The following PCDH15 variants were observed in gnomAD, a reference collection of about 807,000 sequenced individuals.
PCDH15 encodes protocadherin related 15, also known as protocadherin-15.
A neutral mutation model predicts 178.5 loss-of-function variants in PCDH15; 129 were observed. The observed-to-expected ratio is 0.72, with a 90% CI of 0.63 to 0.84. The LOEUF is 0.84. Among genes scored for constraint, PCDH15 ranks in the 40% least tolerant of loss-of-function variants. The pLI is 0.00. For synonymous variants in PCDH15, 800 were observed against 732.0 expected (o/e 1.09, Z -1.50); for missense variants, 2,230 against 2,099.9 (o/e 1.06, Z -1.21).
chr10:55,268,800 C>T (rs144509336), intron 1 of PCDH15, among the ~76,000 whole-genome samples: 78 of 152,172 alleles, frequency 5.1e-4, no homozygotes, highest in African/African-American at 1.6e-3. Context: ...GAATTCATTA[C>T]TGAAGTGAAA....
chr10:55,385,725 A>C (rs58460639), intron 2 of PCDH15, among the ~76,000 whole-genome samples: 1,844 of 142,136 alleles, frequency 0.013, 16 homozygotes, highest in African/African-American at 0.032. Flanking sequence ...ATATGCATAT[A>C]TATATACACG....
intron 1 of PCDH15, among the ~76,000 whole-genome samples, chr10:54,736,902 C>A (rs1353092763): frequency 6.6e-6 from 1 of 152,062 alleles, no homozygotes; most frequent in South Asian, 2.1e-4. Flanking sequence ...TATAACGAAT[C>A]ACTTGATTTT....
At chr10:54,172,517 C>T (rs2133645660) in intron 13 of PCDH15, among the ~76,000 whole-genome samples, 1 of 152,148 alleles carries the variant, frequency 6.6e-6, no homozygotes. Context: ...ACAAAATTTA[C>T]TACCAGTGAA....
At chr10:55,335,288 G>A (rs1844353824) in intron 2 of PCDH15, among the ~76,000 whole-genome samples, 1 of 152,066 alleles carries the variant, frequency 6.6e-6, no homozygotes, top group African/African-American at 2.4e-5. Flanking sequence ...GAAGGGGGAG[G>A]GCAGGTGAAA....
chr10:54,951,268 A>T (rs529714024), intron 2 of PCDH15, among the ~76,000 whole-genome samples: 3 of 152,044 alleles, frequency 2.0e-5, no homozygotes, highest in South Asian at 2.1e-4. Flanking sequence ...AAAGTTTTAC[A>T]GTCTCCATAG....
At chr10:54,715,620 C>A (rs1193800421) in intron 1 of PCDH15, among the ~76,000 whole-genome samples, 2 of 152,076 alleles carry the variant, frequency 1.3e-5, no homozygotes, top group Admixed American at 6.6e-5. Flanking sequence ...CCAGACATAT[C>A]TCCAGGCTTT....
intron 2 of PCDH15, among the ~76,000 whole-genome samples, chr10:54,581,789 T>A (rs2091069193): frequency 6.6e-6 from 1 of 151,980 alleles, no homozygotes; most frequent in South Asian, 2.1e-4. Context: ...AATCATACGA[T>A]CTGTGACAAA....
At chr10:55,497,862 G>A (rs577893499) in intron 2 of PCDH15, among the ~76,000 whole-genome samples, 1 of 151,950 alleles carries the variant, frequency 6.6e-6, no homozygotes, top group East Asian at 2.0e-4. Context: ...AATGTAAGTG[G>A]AAAGATGTGA....
At chr10:54,209,657 C>A (rs1180825414) in intron 10 of PCDH15, among the ~76,000 whole-genome samples, 4 of 151,942 alleles carry the variant, frequency 2.6e-5, no homozygotes. Context: ...AGTTATCCAA[C>A]CAATAATTGA....
intron 25 of PCDH15, among the ~76,000 whole-genome samples, chr10:53,919,460 G>A (rs1366592964): frequency 6.6e-6 from 1 of 152,180 alleles, no homozygotes; most frequent in Non-Finnish European, 1.5e-5. Context: ...ACTAATCACT[G>A]AGAAGTTTCT....
intron 26 of PCDH15, among the ~76,000 whole-genome samples, chr10:53,891,150 T>TA (rs11437259): frequency 0.66 from 101,027 of 151,942 alleles, 34,316 homozygotes; most frequent in East Asian, 0.88. Context: ...AGCACAAAGT[T>TA]AATGGAGGTT....
At chr10:54,191,286 C>T (rs7095082) in intron 11 of PCDH15, among the ~76,000 whole-genome samples, 32,500 of 152,048 alleles carry the variant, frequency 0.21, 4,952 homozygotes, top group African/African-American at 0.43. Flanking sequence ...GAGAAATGCA[C>T]TGAGGGAGGC....
intron 34 of PCDH15, among the ~76,000 whole-genome samples, chr10:53,817,073 G>C (rs1299639731): frequency 6.6e-6 from 1 of 152,134 alleles, no homozygotes; most frequent in Non-Finnish European, 1.5e-5. Flanking sequence ...GGTTCTGGGA[G>C]GTAATTCCAT....
intron 1 of PCDH15, among the ~76,000 whole-genome samples, chr10:54,788,833 G>A (rs1951131791): frequency 6.6e-6 from 1 of 151,700 alleles, no homozygotes; most frequent in African/African-American, 2.4e-5. Flanking sequence ...GTGGAAGTAA[G>A]ATTGCAGTAG....
At chr10:54,951,996 T>A (rs1838355679) in intron 2 of PCDH15, among the ~76,000 whole-genome samples, 1 of 151,888 alleles carries the variant, frequency 6.6e-6, no homozygotes, top group Non-Finnish European at 1.5e-5. Flanking sequence ...GTGGCTTCTC[T>A]TTTCATTCTT....
At chr10:55,410,922 C>T (rs148656001) in intron 2 of PCDH15, among the ~76,000 whole-genome samples, 1 of 152,026 alleles carries the variant, frequency 6.6e-6, no homozygotes, top group East Asian at 1.9e-4. Flanking sequence ...CAAGTAGGCA[C>T]CCTCCCAGTG....
intron 29 of PCDH15, among the ~76,000 whole-genome samples, chr10:53,839,957 A>C (rs1199371394): frequency 1.3e-5 from 2 of 152,196 alleles, no homozygotes; most frequent in Non-Finnish European, 1.5e-5. Context: ...AAGCATATGA[A>C]AATCATTGCA....
At chr10:53,921,755 C>T (rs1041898336) in intron 25 of PCDH15, among the ~76,000 whole-genome samples, 1 of 152,124 alleles carries the variant, frequency 6.6e-6, no homozygotes, top group Non-Finnish European at 1.5e-5. Context: ...CTGTACAAGC[C>T]ACCAAGTATT....
intron 17 of PCDH15, among the ~76,000 whole-genome samples, chr10:54,072,462 T>G (rs1280061257): frequency 1.3e-5 from 2 of 151,956 alleles, no homozygotes; most frequent in Admixed American, 1.3e-4. Flanking sequence ...GAAAAAAATA[T>G]ACATAAAATC....
Sources: gnomAD v4.1 joint callset for allele counts (sites outside exome capture counted in the v4.1 genomes callset) on GRCh38, gnomAD v4.1.1 for gene constraint, MANE v1.5 for transcripts, NCBI Gene and HGNC (gene_info 2026-07-23, HGNC 2026-07-21) for gene names.